Variants in GATAD2A observed in about 807,000 individuals in gnomAD.
The protein encoded by GATAD2A is GATA zinc finger domain containing 2A.
GATAD2A carries 12 observed loss-of-function variants against 68.5 expected under a neutral mutation model. The ratio of observed to expected loss-of-function variants is 0.18; its 90% CI spans 0.11 to 0.28. The LOEUF (loss-of-function observed/expected upper bound fraction) is 0.28, where lower values mean the gene tolerates loss of function less well. Ranked by LOEUF, GATAD2A falls within the 10% of genes least tolerant of loss-of-function variation. The pLI is 1.00. For synonymous variants in GATAD2A, 410 were observed against 375.3 expected (o/e 1.09, Z -1.07); for missense variants, 755 against 868.5 (o/e 0.87, Z 1.64).
At chr19:19,388,288 C>G (rs572308560) in intron 1 of GATAD2A, among the ~76,000 whole-genome samples, 1 of 152,186 alleles carries the variant, frequency 6.6e-6, no homozygotes, top group South Asian at 2.1e-4. Flanking sequence ...AACTCCCAAC[C>G]TCAGGTGATC....
intron 1 of GATAD2A, among the ~76,000 whole-genome samples, chr19:19,412,012 G>T (rs984422795): frequency 6.6e-6 from 1 of 151,900 alleles, no homozygotes; most frequent in African/African-American, 2.4e-5. Context: ...CCTAAGGCAG[G>T]CTGATTGTTT....
chr19:19,459,267 TTAA>T (rs1320579541), intron 1 of GATAD2A, among the ~76,000 whole-genome samples: 1 of 152,224 alleles, frequency 6.6e-6, no homozygotes, highest in East Asian at 1.9e-4. Context: ...TGAAAGTTTC[TTAA>T]TAATCTACTC....
intron 1 of GATAD2A, among the ~76,000 whole-genome samples, chr19:19,407,524 G>A (rs971328366): frequency 6.6e-6 from 1 of 152,206 alleles, no homozygotes; most frequent in Non-Finnish European, 1.5e-5. Flanking sequence ...GAGCCAGGCA[G>A]CCCGTACTTG....
chr19:19,440,514 TC>T, intron 1 of GATAD2A: 1 of 212,138 alleles, frequency 4.7e-6, no homozygotes, highest in South Asian at 5.4e-5. Context: ...CACCTTGGCC[TC>T]CCAAAGTGCT....
intron 2 of GATAD2A, among the ~76,000 whole-genome samples, chr19:19,474,800 A>T (rs1295207660): frequency 6.6e-6 from 1 of 152,134 alleles, no homozygotes; most frequent in Non-Finnish European, 1.5e-5. Context: ...TGCTTTTCAC[A>T]CTCACAGGTG....
intron 2 of GATAD2A, among the ~76,000 whole-genome samples, chr19:19,478,966 G>A (rs757633272): frequency 1.3e-5 from 2 of 152,132 alleles, no homozygotes; most frequent in African/African-American, 4.8e-5. Flanking sequence ...CTAGGTTCCC[G>A]TGGCTATTTC....
intron 1 of GATAD2A, among the ~76,000 whole-genome samples, chr19:19,406,277 C>T (rs918200090): frequency 2.0e-5 from 3 of 151,648 alleles, no homozygotes; most frequent in Non-Finnish European, 4.4e-5. Context: ...GCGGCGTCGC[C>T]CCGCTTCCGT....
intron 1 of GATAD2A, among the ~76,000 whole-genome samples, chr19:19,431,857 G>T (rs944230159): frequency 1.3e-5 from 2 of 152,142 alleles, no homozygotes; most frequent in African/African-American, 4.8e-5. Context: ...GTGTTGTGTG[G>T]AGTGTGGGAG....
intron 1 of GATAD2A, among the ~76,000 whole-genome samples, chr19:19,463,227 C>G (rs1164077576): frequency 5.3e-5 from 8 of 152,112 alleles, no homozygotes; most frequent in Non-Finnish European, 8.8e-5. Flanking sequence ...CCACCCCTCC[C>G]ACAGTGAGGG....
intron 1 of GATAD2A, among the ~76,000 whole-genome samples, chr19:19,461,572 A>T (rs753076614): frequency 1.3e-5 from 2 of 152,228 alleles, no homozygotes; most frequent in Non-Finnish European, 2.9e-5. Context: ...CCTAAAGCCC[A>T]TGGAGGTGCT....
At chr19:19,418,405 C>A (rs1409415668) in intron 1 of GATAD2A, among the ~76,000 whole-genome samples, 1 of 152,230 alleles carries the variant, frequency 6.6e-6, no homozygotes, top group Non-Finnish European at 1.5e-5. Flanking sequence ...AAGGGACCAT[C>A]TCCATACATT....
chr19:19,409,936 A>C (rs1300240874), intron 1 of GATAD2A, among the ~76,000 whole-genome samples: 2 of 152,208 alleles, frequency 1.3e-5, no homozygotes, highest in Non-Finnish European at 2.9e-5. Flanking sequence ...GTCTTTTAGA[A>C]GACAAAGGAA....
intron 1 of GATAD2A, among the ~76,000 whole-genome samples, chr19:19,415,913 G>A (rs2051566750): frequency 6.6e-6 from 1 of 151,862 alleles, no homozygotes; most frequent in Non-Finnish European, 1.5e-5. Flanking sequence ...ACCACGCCCG[G>A]CCGACTTTAC....
intron 1 of GATAD2A, among the ~76,000 whole-genome samples, chr19:19,434,295 GGATTGGCA>G (rs1252886023): frequency 6.6e-6 from 1 of 152,094 alleles, no homozygotes; most frequent in Non-Finnish European, 1.5e-5. Context: ...GAGAGGTCTT[GGATTGGCA>G]GATACAAAAT....
intron 1 of GATAD2A, among the ~76,000 whole-genome samples, chr19:19,450,743 TAAA>T (rs3031870): frequency 7.3e-4 from 91 of 125,138 alleles, no homozygotes; most frequent in Middle Eastern, 4.1e-3. Context: ...CTCATTACAT[TAAA>T]AAAAAAAAAA....
intron 2 of GATAD2A, among the ~76,000 whole-genome samples, chr19:19,484,234 G>A (rs953945455): frequency 2.6e-4 from 40 of 152,210 alleles, no homozygotes; most frequent in African/African-American, 8.4e-4. Flanking sequence ...TCCAGCGTAG[G>A]CAACAGAGTG....
chr19:19,490,502 A>C (rs902112443), intron 2 of GATAD2A, among the ~76,000 whole-genome samples: 1 of 152,128 alleles, frequency 6.6e-6, no homozygotes, highest in African/African-American at 2.4e-5. Flanking sequence ...AGCCAGGACA[A>C]CTTTGAGCTG....
chr19:19,404,864 G>A (rs1040790910), upstream of GATAD2A, among the ~76,000 whole-genome samples: 1 of 152,180 alleles, frequency 6.6e-6, no homozygotes, highest in African/African-American at 2.4e-5. Context: ...AAAAGAGGCG[G>A]TTTTGGGGAT....
chr19:19,429,509 G>C (rs1359307018), intron 1 of GATAD2A, among the ~76,000 whole-genome samples: 1 of 152,056 alleles, frequency 6.6e-6, no homozygotes, highest in East Asian at 2.0e-4. Flanking sequence ...GAGGTGCTCT[G>C]ACGCTGGGTG....
Sources: gnomAD v4.1 joint callset for allele counts (sites outside exome capture counted in the v4.1 genomes callset) on GRCh38, gnomAD v4.1.1 for gene constraint, MANE v1.5 for transcripts, NCBI Gene and HGNC (gene_info 2026-07-23, HGNC 2026-07-21) for gene names.